Variants in BACH2 observed in about 807,000 individuals in gnomAD.
BACH2 encodes transcription regulator protein BACH2.
A neutral mutation model predicts 61.8 loss-of-function variants in BACH2; 5 were observed. The ratio of observed to expected loss-of-function variants is 0.08; its 90% CI spans 0.04 to 0.17. The LOEUF (loss-of-function observed/expected upper bound fraction) is 0.17, where lower values mean the gene tolerates loss of function less well. BACH2 is among the 10% of genes least tolerant of loss of function. BACH2 has a pLI of 1.00. For missense variants in BACH2, 824 were observed against 1,091.1 expected, an observed-to-expected ratio of 0.76 and a Z score of 3.45; for synonymous variants, 446 against 440.1, an observed-to-expected ratio of 1.01 and a Z score of -0.17.
rs540248526 is a variant in BACH2, at chr6:90,089,782, T to C, written c.-161-673A>G. Among the ~76,000 whole-genome samples the C allele has an allele frequency of 7.7e-4, 117 of 152,264 alleles. 3 individuals are homozygous for C. In the South Asian group the frequency reaches 0.024, roughly 31 times the overall value. On this transcript the variant is annotated intron_variant, in intron 4 of 8. Coordinates refer to ENST00000257749, the MANE Select transcript of BACH2 (RefSeq NM_021813.4). Reference sequence around the variant, plus strand: ...GCCAGATATATTTCAGAATTCAGAATTTTTGGATTTTAGAGATGCAGCTAC... The same window carrying C: ...GCCAGATATATTTCAGAATTCAGAACTTTTGGATTTTAGAGATGCAGCTAC...
intron 5 of BACH2, among the ~76,000 whole-genome samples, chr6:90,078,902 T>C (rs761389249): frequency 2.0e-5 from 3 of 152,066 alleles, no homozygotes; most frequent in Non-Finnish European, 4.4e-5. Context: ...CAAAGAAAAA[T>C]GTGATTTGCA....
At chr6:90,020,978 A>C (rs1317770180) in intron 5 of BACH2, among the ~76,000 whole-genome samples, 4 of 152,194 alleles carry the variant, frequency 2.6e-5, no homozygotes, top group Admixed American at 2.6e-4. Context: ...GAAGCTTTCC[A>C]AAGGTTCTGA....
intron 4 of BACH2, among the ~76,000 whole-genome samples, chr6:90,105,041 C>T (rs1046234045): frequency 1.3e-5 from 2 of 152,344 alleles, no homozygotes; most frequent in Non-Finnish European, 2.9e-5. Flanking sequence ...TTTAAGCATA[C>T]AGCATATGAG....
At chr6:90,035,167 TTATC>T (rs1183195694) in intron 5 of BACH2, among the ~76,000 whole-genome samples, 1 of 152,112 alleles carries the variant, frequency 6.6e-6, no homozygotes, top group Non-Finnish European at 1.5e-5. Context: ...AATACAAAGT[TTATC>T]TAACTACCCT....
intron 5 of BACH2, among the ~76,000 whole-genome samples, chr6:90,070,946 C>T (rs911349687): frequency 6.6e-6 from 1 of 152,166 alleles, no homozygotes; most frequent in African/African-American, 2.4e-5. Context: ...TCATAAAGCA[C>T]TCAAGTTTGT....
At chr6:90,057,555 G>A (rs1780433232) in intron 5 of BACH2, among the ~76,000 whole-genome samples, 1 of 152,162 alleles carries the variant, frequency 6.6e-6, no homozygotes, top group African/African-American at 2.4e-5. Context: ...ACAAAGAGGA[G>A]CTGGTACCAT....
chr6:90,130,531 T>C (rs945927199), intron 4 of BACH2, among the ~76,000 whole-genome samples: 4 of 152,188 alleles, frequency 2.6e-5, no homozygotes, highest in East Asian at 3.8e-4. Context: ...AAGGTGGAAA[T>C]TGAGGCTTGA....
intron 4 of BACH2, among the ~76,000 whole-genome samples, chr6:90,146,944 G>A (rs1784639591): frequency 1.3e-5 from 2 of 152,138 alleles, no homozygotes; most frequent in South Asian, 4.1e-4. Context: ...GCCTCCAGGA[G>A]ACGTAGGATA....
In BACH2 at chr6:90,031,937, G is replaced by A. The variant is rs1034768995; in HGVS notation, c.-12-23081C>T. Among the ~76,000 whole-genome samples the A allele has an allele frequency of 1.7e-3, 260 of 152,242 alleles. 1 individual carries two copies. The highest frequency in any genetic ancestry group is 5.4e-3 in the African/African-American group (223 of 41,556). ...AAAAGAACAAAGCTGGAGGCATCAT[G>A]CTACCTGACTTCAAACTATACTACA... On this transcript the variant is annotated intron_variant, in intron 5 of 8. Coordinates refer to ENST00000257749, the MANE Select transcript of BACH2 (RefSeq NM_021813.4).
intron 4 of BACH2, among the ~76,000 whole-genome samples, chr6:90,192,675 G>A (rs1365954933): frequency 6.6e-6 from 1 of 152,142 alleles, no homozygotes. Context: ...CTAAGTTTTT[G>A]GCTAAGAGTT....
intron 4 of BACH2, among the ~76,000 whole-genome samples, chr6:90,182,098 T>C (rs1353117622): frequency 1.3e-5 from 2 of 152,184 alleles, no homozygotes; most frequent in Non-Finnish European, 1.5e-5. Context: ...GATAGCATGG[T>C]AGATGCTGCA....
At chr6:90,225,063 T>C (rs2127857716) in intron 3 of BACH2, among the ~76,000 whole-genome samples, 1 of 148,302 alleles carries the variant, frequency 6.7e-6, no homozygotes, top group Non-Finnish European at 1.5e-5. Flanking sequence ...TTGAAATACA[T>C]CATAACAACA....
intron 4 of BACH2, among the ~76,000 whole-genome samples, chr6:90,190,925 A>G (rs1768547744): frequency 6.6e-6 from 1 of 152,230 alleles, no homozygotes; most frequent in Admixed American, 6.5e-5. Context: ...AACTATGAGA[A>G]AGTAAACTGG....
chr6:90,026,713 C>T (rs991523485), intron 5 of BACH2, among the ~76,000 whole-genome samples: 4 of 152,088 alleles, frequency 2.6e-5, no homozygotes, highest in Admixed American at 6.6e-5. Flanking sequence ...AGAGGGCACG[C>T]GGTTTACAGG....
At position 89,934,073 on chromosome 6, in the gene BACH2, T is replaced by C. The variant is rs535307613; in HGVS notation, c.2044-1183A>G. ...GTTGCCTAACATACGGAGTTTCATATAGAACCCAGTATCAGCAGGCTCTCT... is the reference window on the plus strand; with the variant it reads ...GTTGCCTAACATACGGAGTTTCATACAGAACCCAGTATCAGCAGGCTCTCT... On this transcript the variant is annotated intron_variant, in intron 8 of 8. Transcript: ENST00000257749. 3.3e-5 allele frequency among the ~76,000 whole-genome samples: 5 copies of C among 152,128 alleles called. No homozygotes were observed. In the East Asian group the frequency reaches 5.8e-4, roughly 18 times the overall value.
At chr6:90,136,430 G>A (rs923622003) in intron 4 of BACH2, among the ~76,000 whole-genome samples, 2 of 152,166 alleles carry the variant, frequency 1.3e-5, no homozygotes, top group Admixed American at 6.5e-5. Context: ...AGCCTCAGCT[G>A]CCACACTGGC....
At chr6:90,166,286 CA>C (rs1474000126) in intron 4 of BACH2, among the ~76,000 whole-genome samples, 1 of 152,046 alleles carries the variant, frequency 6.6e-6, no homozygotes, top group African/African-American at 2.4e-5. Context: ...TTTATGCAGC[CA>C]AAAGACACAT....
chr6:90,098,154 T>C (rs1782456929), intron 4 of BACH2, among the ~76,000 whole-genome samples: 13 of 152,198 alleles, frequency 8.5e-5, no homozygotes. Flanking sequence ...TGGAGCTGTC[T>C]CCATCATTCT....
chr6:90,233,560 C>T (rs80186458), intron 3 of BACH2, among the ~76,000 whole-genome samples: 3,100 of 152,240 alleles, frequency 0.02, 125 homozygotes, highest in African/African-American at 0.071. Flanking sequence ...GTCTCAGGTA[C>T]CTCGCCTGAC....
Sources: gnomAD v4.1 joint callset for allele counts (sites outside exome capture counted in the v4.1 genomes callset) on GRCh38, gnomAD v4.1.1 for gene constraint, MANE v1.5 for transcripts, NCBI Gene and HGNC (gene_info 2026-07-23, HGNC 2026-07-21) for gene names.